MAST1: variants seen among roughly 807,000 people sequenced by gnomAD.
MAST1 encodes microtubule associated serine/threonine kinase 1.
A neutral mutation model predicts 124.6 loss-of-function variants in MAST1; 40 were observed. The ratio of observed to expected loss-of-function variants is 0.32; its 90% CI spans 0.25 to 0.42. The LOEUF (loss-of-function observed/expected upper bound fraction) is 0.42. MAST1 is among the 10% of genes least tolerant of loss of function. MAST1 has a pLI of 1.00. For synonymous variants in MAST1, 938 were observed against 939.4 expected (o/e 1.00, Z 0.03); for missense variants, 1,558 against 2,181.9 (o/e 0.71, Z 5.70).
chr19:12,867,673 G>C (rs750706929), intron 19 of MAST1, 21 bp downstream of exon 19: 3 of 1,554,978 alleles, frequency 1.9e-6, no homozygotes, highest in Non-Finnish European at 2.6e-6. Context: ...GAATGGCGGA[G>C]TTTGGGGGCG....
Position 12,874,367 on chromosome 19 carries a change from G to C in MAST1, c.4210G>C (p.Ala1404Pro). Residue 1404 changes from alanine to proline, a missense_variant, in exon 26 of 26, where the codon GCC becomes CCC. Physicochemically the swap from Ala to Pro is conservative, Grantham distance 27. Transcript: ENST00000251472. This position sits in a 1 kb window ranked among gnomAD's most constrained non-coding sequence, Gnocchi z 6.6. ...VQTEDGTGGM[A>P]RAVAKAALSP... is the part of the protein sequence containing the mutation. Reference sequence around the variant, plus strand: ...GACGGAGGATGGCACTGGCGGGATGGCCAGGGCTGTGGCCAAGGCGGCGCT... The same window carrying C: ...GACGGAGGATGGCACTGGCGGGATGCCCAGGGCTGTGGCCAAGGCGGCGCT... 1 of 1,597,992 alleles carries C rather than the reference G, an allele frequency of 6.3e-7. No homozygotes were observed. Among genetic ancestry groups the C allele is most frequent in the Non-Finnish European group, 8.5e-7 (1 of 1,178,922 alleles).
chr19:12,849,609 A>G (rs1360948234), intron 7 of MAST1, among the ~76,000 whole-genome samples: 1 of 151,836 alleles, frequency 6.6e-6, no homozygotes, highest in Non-Finnish European at 1.5e-5. Flanking sequence ...GGTTGCAGTG[A>G]GCCGAGGTTG....
At chr19:12,849,284 T>C (rs945934613) in intron 7 of MAST1, among the ~76,000 whole-genome samples, 1 of 151,980 alleles carries the variant, frequency 6.6e-6, no homozygotes, top group Non-Finnish European at 1.5e-5. Flanking sequence ...GCTAGCTACT[T>C]AGGAGGCTGA....
Position 12,874,137 on chromosome 19 carries a change from C to G in MAST1, c.3980C>G (p.Ala1327Gly). 6.5e-7 allele frequency: 1 copy of G among 1,541,162 alleles called. No homozygotes were observed. The highest frequency in any genetic ancestry group is 8.7e-7 in the Non-Finnish European group (1 of 1,145,892). Residue 1327 changes from alanine to glycine, a missense_variant, in exon 26 of 26, where the codon GCC becomes GGC. Coordinates refer to ENST00000251472, the MANE Select transcript of MAST1 (RefSeq NM_014975.3). This position sits in a 1 kb window ranked among gnomAD's most constrained non-coding sequence, Gnocchi z 6.6. ...VEGLGAPRQV[A>G]VRRLGRQESP... The stretch of plus-strand genomic sequence containing the variant: ...GGCCTTGGCGCGCCCCGGCAGGTCG[C>G]CGTCCGCCGCCTGGGCCGACAGGAG...
At chr19:12,852,467 T>C (rs1969974341) in intron 10 of MAST1, 72 bp downstream of exon 10, 1 of 1,428,730 alleles carries the variant, frequency 7.0e-7, no homozygotes, top group African/African-American at 1.4e-5. Context: ...CTCCGGCTTC[T>C]TTGCCCTCAG....
At chr19:12,868,540 C>A (rs979191631) in intron 20 of MAST1, 103 bp from the exon 21 acceptor site, 2 of 977,262 alleles carry the variant, frequency 2.0e-6, no homozygotes, top group Admixed American at 4.7e-5. Flanking sequence ...AACTCACCAT[C>A]CATCAAGGGT....
Position 12,874,411 on chromosome 19 carries a change from C to T in MAST1, c.4254C>T (p.His1418=), listed in dbSNP as rs532539620. The change falls in exon 26 of 26, where the codon CAC becomes CAT. Residue 1418 remains histidine (H), a synonymous_variant. Transcript: ENST00000251472. The surrounding 1 kb of genome is among the most constrained non-coding windows in gnomAD (Gnocchi z 6.6). Reference sequence around the variant, plus strand: ...CGGCGCTGAGCCCGGTGCAGGAACACGAGACAGGCCGGCGCAGCAGCTCTG... The same window carrying T: ...CGGCGCTGAGCCCGGTGCAGGAACATGAGACAGGCCGGCGCAGCAGCTCTG... ...AKAALSPVQE[H]ETGRRSSSGE... 6.3e-7 allele frequency: 1 copy of T among 1,598,684 alleles called. No individual in the cohort carries two copies. Among genetic ancestry groups the T allele is most frequent in the Non-Finnish European group, 8.5e-7 (1 of 1,179,108 alleles).
chr19:12,865,734 G>C lies in MAST1; in HGVS notation c.1822G>C (p.Glu608Gln), dbSNP rs1970144764. The change falls in exon 16 of 26, where the codon GAG becomes CAG. Residue 608 changes from glutamate (E) to glutamine (Q), a missense_variant. Glu to Gln is a conservative substitution (Grantham distance 29). Coordinates refer to ENST00000251472, the MANE Select transcript of MAST1 (RefSeq NM_014975.3). This position sits in a 1 kb window ranked among gnomAD's most constrained non-coding sequence, Gnocchi z 7.1. ...TTTTGCAGATGACATCCTGTGGCCC[G>C]AGGGGGATGAGGCCCTACCTACGGA... ...QVISDDILWP[E>Q]GDEALPTEAQ... The C allele has an allele frequency of 6.2e-7, 1 of 1,612,540 alleles. No homozygotes were observed. The highest frequency in any genetic ancestry group is 1.7e-4 in the Middle Eastern group (1 of 6,050).
rs1233710055 is a variant in MAST1, at chr19:12,843,944, T to C, written c.327+337T>C. On this transcript the variant is annotated intron_variant, in intron 4 of 25. Transcript: ENST00000251472. The surrounding 1 kb of genome is among the most constrained non-coding windows in gnomAD (Gnocchi z 4.9). ...GGAGTCTGGGAGGTATAGGCTACAG[T>C]TGAGCTGAGATCGCACTGCAGCATT... 1.3e-5 allele frequency among the ~76,000 whole-genome samples: 2 copies of C among 152,088 alleles called. No homozygotes were observed. Among genetic ancestry groups the C allele is most frequent in the African/African-American group, 4.8e-5 (2 of 41,406 alleles).
At position 12,871,039 on chromosome 19, in the gene MAST1, G is replaced by T; in HGVS notation, c.3130G>T (p.Gly1044Cys). The T allele has an allele frequency of 6.2e-7, 1 of 1,614,142 alleles. No homozygotes were observed. Among genetic ancestry groups the T allele is most frequent in the Non-Finnish European group, 8.5e-7 (1 of 1,180,014 alleles). ...PEVVELILKS[G>C]NKVAVTTTPF... ...TTTTCCCGCATTCTTCCCCCAGAGTGGCAACAAGGTAGCAGTGACCACAAC... is the reference window on the plus strand; with the variant it reads ...TTTTCCCGCATTCTTCCCCCAGAGTTGCAACAAGGTAGCAGTGACCACAAC... The change falls in exon 24 of 26, where the codon GGC (glycine) becomes TGC (cysteine). Residue 1044 changes from glycine (G) to cysteine (C), a missense_variant. Transcript: ENST00000251472.
chr19:12,846,820 G>A (rs1382132005), intron 4 of MAST1, among the ~76,000 whole-genome samples: 1 of 141,008 alleles, frequency 7.1e-6, no homozygotes, highest in African/African-American at 2.7e-5. Context: ...GGAGGTTGCA[G>A]TGAGCTGAGA....
rs1970263968 is a variant in MAST1, at chr19:12,873,410, C to T, written c.3350C>T (p.Ser1117Leu). ...CGCTCGCTGTCGTCGCTGAACCGCTCGCTGTCATCCAGCGATAGTCTCCCG... is the reference window on the plus strand; with the variant it reads ...CGCTCGCTGTCGTCGCTGAACCGCTTGCTGTCATCCAGCGATAGTCTCCCG... The part of the protein sequence containing the change: ...TSRSLSSLNR[S>L]LSSSDSLPGS... Residue 1117 changes from serine to leucine, a missense_variant, in exon 25 of 26, where the codon TCG becomes TTG. Ser to Leu is a moderately radical substitution (Grantham distance 145). Around this residue, in one of 10 missense-constraint regions of MAST1, gnomAD observed 291 missense variants for 475.8 expected, o/e 0.61. Transcript: ENST00000251472. The T allele has an allele frequency of 1.9e-6, 3 of 1,613,892 alleles. No homozygotes were observed. The highest frequency in any genetic ancestry group is 2.5e-6 in the Non-Finnish European group (3 of 1,180,002).
Position 12,851,657 on chromosome 19 carries a change from T to G in MAST1, c.775-277T>G, listed in dbSNP as rs966200384. 2.9e-4 allele frequency among the ~76,000 whole-genome samples: 44 copies of G among 152,306 alleles called. 1 individual carries two copies. The highest frequency in any genetic ancestry group is 1.4e-3 in the Admixed American group (21 of 15,294). ...ACCTGCCACCACGCCTGGCTCATTT[T>G]GCGTTTTTAGTGGAGATGGGGTTTC... On this transcript the variant is annotated intron_variant, in intron 7 of 25. Transcript: ENST00000251472.
intron 20 of MAST1, 22 bp downstream of exon 20, chr19:12,867,999 C>G (rs1347169772): frequency 6.6e-7 from 1 of 1,512,288 alleles, no homozygotes; most frequent in Non-Finnish European, 8.8e-7. Context: ...ATCGTGCTGC[C>G]TTCCCCAATC....
chr19:12,858,289 G>A, intron 10 of MAST1, 73 bp from the exon 11 acceptor site: 1 of 1,306,182 alleles, frequency 7.7e-7, no homozygotes. Context: ...GTTTCCCCAT[G>A]TGTAAAATGA....
At chr19:12,858,815 C>A in intron 12 of MAST1, 76 bp downstream of exon 12, 1 of 1,412,952 alleles carries the variant, frequency 7.1e-7, no homozygotes, top group South Asian at 1.2e-5. Context: ...CCTGCCTGAG[C>A]CGCAGTCTCC....
chr19:12,874,302 T>C lies in MAST1; in HGVS notation c.4145T>C (p.Leu1382Pro), dbSNP rs556499669. The change falls in exon 26 of 26, where the codon CTG becomes CCG. Residue 1382 changes from leucine (L) to proline (P), a missense_variant. This residue lies in a region of MAST1 where 263 missense variants were observed against 310.9 expected (regional missense o/e 0.85). Transcript: ENST00000251472. The surrounding 1 kb of genome is among the most constrained non-coding windows in gnomAD (Gnocchi z 6.6). ...GCGACGACCCCCGGTGGCCGGACCCTGGAGCGGGACGTCGGCTGCACGCGG... is the reference window on the plus strand; with the variant it reads ...GCGACGACCCCCGGTGGCCGGACCCCGGAGCGGGACGTCGGCTGCACGCGG... Reference protein sequence around the residue: ...PRATTPGGRTLERDVGCTRHQ... With the variant: ...PRATTPGGRTPERDVGCTRHQ... 8.2e-6 allele frequency: 13 copies of C among 1,593,890 alleles called. No individual in the cohort carries two copies. In the East Asian group the frequency reaches 2.5e-4, roughly 30 times the overall value.
At chr19:12,864,688 GA>G (rs2145906740) in intron 12 of MAST1, 120 bp from the exon 13 acceptor site, 7 of 1,330,736 alleles carry the variant, frequency 5.3e-6, no homozygotes, top group Middle Eastern at 2.7e-4. Flanking sequence ...GCCCCTCTCA[GA>G]GCCTCAGTTT....
chr19:12,866,879 G>C lies in MAST1; in HGVS notation c.2139+117G>C, dbSNP rs1391776666. The C allele has an allele frequency of 1.2e-6, 1 of 849,598 alleles. No homozygotes were observed. Among genetic ancestry groups the C allele is most frequent in the Non-Finnish European group, 1.9e-6 (1 of 533,660 alleles). 52.6% of individuals were successfully genotyped at this position (849,598 alleles called of 1,614,324 possible). A position where few individuals can be genotyped will look rare whatever the true frequency, so the allele number is the denominator to read the frequency against. ...TCTCAGGAGCGGGAAGTTATTGATG[G>C]GGCGGGAGTCTGGAAGGTGGTAAGG... On this transcript the variant is annotated intron_variant, in intron 18 of 25. Transcript: ENST00000251472. The surrounding 1 kb of genome is among the most constrained non-coding windows in gnomAD (Gnocchi z 5.2).
Sources: gnomAD v4.1 joint callset for allele counts (sites outside exome capture counted in the v4.1 genomes callset) on GRCh38, gnomAD v4.1.1 for gene constraint, gnomAD v4.1.1 regional missense constraint, Gnocchi (gnomAD v3.1) non-coding constraint, MANE v1.5 for transcripts, NCBI Gene and HGNC (gene_info 2026-07-23, HGNC 2026-07-21) for gene names.